The following DSTYK variants were observed in gnomAD, a reference collection of about 807,000 sequenced individuals.
DSTYK encodes dual serine/threonine and tyrosine protein kinase, also known as RIP-homologous kinase.
DSTYK carries 34 observed loss-of-function variants against 98.7 expected under a neutral mutation model. The observed-to-expected ratio is 0.34, with a 90% CI of 0.26 to 0.46. The LOEUF (loss-of-function observed/expected upper bound fraction) is 0.46. DSTYK is among the 20% of genes least tolerant of loss of function. The pLI is 1.00. For missense variants in DSTYK, 962 were observed against 1,181.7 expected (o/e 0.81, Z 2.73); for synonymous variants, 462 against 457.3 (o/e 1.01, Z -0.13).
chr1:205,148,134 C>T lies in DSTYK; in HGVS notation c.2602+71G>A, dbSNP rs181064782. On this transcript the variant is annotated intron_variant, in intron 12 of 12. Coordinates refer to ENST00000367162, the MANE Select transcript of DSTYK (RefSeq NM_015375.3). Reference sequence around the variant, plus strand: ...TGGCCAGATGGGATGACAGGAGACCCGGTGACATTGCCTGGGCTCAGTCTG... The same window carrying T: ...TGGCCAGATGGGATGACAGGAGACCTGGTGACATTGCCTGGGCTCAGTCTG... 8.7e-4 allele frequency: 1,383 copies of T among 1,592,016 alleles called. 14 individuals carry two copies. Among genetic ancestry groups the T allele is most frequent in the Non-Finnish European group, 9.4e-5 (110 of 1,164,978 alleles).
rs1574741940 is a variant in DSTYK at position 205,147,535 on chromosome 1, G to A, written c.*23C>T. 6.3e-7 allele frequency: 1 copy of A among 1,595,336 alleles called. No individual in the cohort carries two copies. The highest frequency in any genetic ancestry group is 1.7e-4 in the Middle Eastern group (1 of 5,980). ...TGAGGGGGAAGGAAATAACTAGAGA[G>A]TGAAAGAGAAAGGTCTTTGCTTTCA... On this transcript the variant is annotated 3_prime_UTR_variant, in exon 13 of 13. Transcript: ENST00000367162.
intron 11 of DSTYK, 123 bp from the exon 12 acceptor site, chr1:205,148,462 AACAACCCTGCCAGGTAGGCAGGGT>A: frequency 8.3e-7 from 1 of 1,207,680 alleles, no homozygotes; most frequent in Non-Finnish European, 1.2e-6. Flanking sequence ...ATCTCTCAAT[AACAACCCTGCCAGGTAGGCAGGGT>A]ACATTTATAA....
At chr1:205,157,830 G>A (rs1041948561) in intron 9 of DSTYK, among the ~76,000 whole-genome samples, 1 of 151,442 alleles carries the variant, frequency 6.6e-6, no homozygotes, top group Non-Finnish European at 1.5e-5. Context: ...AAGCAAGGAA[G>A]AGCAAGTTGT....
At chr1:205,175,406 C>T (rs1215675158) in intron 2 of DSTYK, among the ~76,000 whole-genome samples, 2 of 152,294 alleles carry the variant, frequency 1.3e-5, no homozygotes, top group East Asian at 3.9e-4. Flanking sequence ...CTGCCTATTC[C>T]TAAATATACC....
chr1:205,156,291 C>T (rs983544027), intron 10 of DSTYK, among the ~76,000 whole-genome samples: 1 of 152,162 alleles, frequency 6.6e-6, no homozygotes, highest in Non-Finnish European at 1.5e-5. Context: ...TAGATCCACA[C>T]ACAACTTGCA....
At chr1:205,179,520 C>G (rs11807090) in intron 2 of DSTYK, among the ~76,000 whole-genome samples, 3,362 of 151,124 alleles carry the variant, frequency 0.022, 79 homozygotes, top group Middle Eastern at 0.034. Context: ...ATTTGGGAGG[C>G]TGAGGCAGGA....
At position 205,147,618 on chromosome 1, in the gene DSTYK, C is replaced by T; in HGVS notation, c.2730G>A (p.Met910Ile). The part of the protein sequence containing the change: ...GIVQPMLQGI[M>I]NRLCKSNSEQ... ...CAGAATTGGACTTGCAGAGCCGATT[C>T]ATGATGCCCTGGAGCATGGGCTGGA... The change falls in exon 13 of 13, where the codon ATG becomes ATA. Residue 910 changes from methionine to isoleucine, a missense_variant. By Grantham distance (10) the Met-to-Ile change is conservative (BLOSUM62 1). Transcript: ENST00000367162. 6.2e-7 allele frequency: 1 copy of T among 1,614,002 alleles called. No individual in the cohort carries two copies. The highest frequency in any genetic ancestry group is 2.2e-5 in the East Asian group (1 of 44,882).
chr1:205,153,095 C>G (rs2102383597), intron 10 of DSTYK, among the ~76,000 whole-genome samples: 1 of 152,310 alleles, frequency 6.6e-6, no homozygotes, highest in South Asian at 2.1e-4. Context: ...CTGTAGTTTC[C>G]TTTCCTAAAG....
chr1:205,162,974 C>T lies in DSTYK; in HGVS notation c.1590G>A (p.Thr530=), dbSNP rs370366077. The T allele has an allele frequency of 1.3e-5, 21 of 1,614,088 alleles. No individual in the cohort carries two copies. The highest frequency in any genetic ancestry group is 1.7e-5 in the Non-Finnish European group (20 of 1,179,998). ...TTGTAACTGACGACCCTGAGTGAAACGTGACTTCAACATGATAGGCAGCAT... is the reference window on the plus strand; with the variant it reads ...TTGTAACTGACGACCCTGAGTGAAATGTGACTTCAACATGATAGGCAGCAT... ...ILNAAYHVEV[T]FHSGSSVTRM... is the part of the protein sequence containing the mutation. The change falls in exon 5 of 13, where the codon ACG becomes ACA. Residue 530 remains threonine (T), a synonymous_variant. Transcript: ENST00000367162.
At chr1:205,211,014 T>C (rs949051875) in intron 1 of DSTYK, among the ~76,000 whole-genome samples, 27 of 151,944 alleles carry the variant, frequency 1.8e-4, no homozygotes, top group Non-Finnish European at 3.2e-4. Context: ...GTCCCCGGGG[T>C]CCCGCTCCGG....
At chr1:205,173,723 GTTT>G (rs1194952875) in intron 2 of DSTYK, among the ~76,000 whole-genome samples, 2 of 144,180 alleles carry the variant, frequency 1.4e-5, no homozygotes, top group Non-Finnish European at 3.1e-5. Flanking sequence ...CAATACGGTT[GTTT>G]TTTTTTTTTT....
At chr1:205,192,493 T>C (rs902772796) in intron 1 of DSTYK, among the ~76,000 whole-genome samples, 2 of 152,140 alleles carry the variant, frequency 1.3e-5, no homozygotes, top group African/African-American at 4.8e-5. Flanking sequence ...GTGATCACGC[T>C]ACTGTGAGAC....
At chr1:205,208,047 T>C (rs2102489199) in intron 1 of DSTYK, among the ~76,000 whole-genome samples, 1 of 151,908 alleles carries the variant, frequency 6.6e-6, no homozygotes, top group East Asian at 2.0e-4. Flanking sequence ...CCAGCTAATT[T>C]TTTTGGATTT....
At chr1:205,211,202 G>A (rs1280718781) in intron 1 of DSTYK, 69 bp downstream of exon 1, 5 of 1,511,020 alleles carry the variant, frequency 3.3e-6, no homozygotes, top group Middle Eastern at 2.4e-4. Flanking sequence ...TTGTTTTGCA[G>A]GGCAGGGGTG....
At chr1:205,182,662 C>T (rs1389859271) in intron 2 of DSTYK, among the ~76,000 whole-genome samples, 1 of 151,852 alleles carries the variant, frequency 6.6e-6, no homozygotes, top group Non-Finnish European at 1.5e-5. Context: ...AAAAATTAGC[C>T]AGGCATGGTG....
chr1:205,164,627 G>A (rs1284384282), intron 3 of DSTYK, among the ~76,000 whole-genome samples: 1 of 151,814 alleles, frequency 6.6e-6, no homozygotes, highest in African/African-American at 2.4e-5. Context: ...ACGCCTGGCT[G>A]ATTTTTTGTA....
At chr1:205,149,006 G>A (rs1036656060) in intron 11 of DSTYK, among the ~76,000 whole-genome samples, 2 of 151,364 alleles carry the variant, frequency 1.3e-5, no homozygotes, top group South Asian at 2.1e-4. Flanking sequence ...GGGTTCAAGC[G>A]ATTCTCCTGC....
intron 1 of DSTYK, among the ~76,000 whole-genome samples, chr1:205,189,077 T>C (rs570879649): frequency 6.6e-6 from 1 of 152,264 alleles, no homozygotes; most frequent in East Asian, 1.9e-4. Flanking sequence ...ACAATTACTA[T>C]GTGTCAATTT....
At chr1:205,186,883 AT>A (rs934695609) in intron 2 of DSTYK, among the ~76,000 whole-genome samples, 1 of 152,206 alleles carries the variant, frequency 6.6e-6, no homozygotes, top group African/African-American at 2.4e-5. Context: ...CTGTCCTCAC[AT>A]TCCCATGTTC....
Sources: gnomAD v4.1 joint callset for allele counts (sites outside exome capture counted in the v4.1 genomes callset) on GRCh38, gnomAD v4.1.1 for gene constraint, MANE v1.5 for transcripts, NCBI Gene and HGNC (gene_info 2026-07-23, HGNC 2026-07-21) for gene names.